The following HSP90AB1 variants were observed in gnomAD, a reference collection of about 807,000 sequenced individuals.
HSP90AB1 encodes the protein heat shock protein HSP 90-beta.
In HSP90AB1, 17 loss-of-function variants were observed where a neutral mutation model predicts 67.8. The observed-to-expected ratio is 0.25, with a 90% CI of 0.17 to 0.38. HSP90AB1 has a LOEUF of 0.38. Among genes scored for constraint, HSP90AB1 ranks in the 10% least tolerant of loss-of-function variants. HSP90AB1 has a pLI of 1.00. For missense variants in HSP90AB1, 690 were observed against 899.9 expected (o/e 0.77, Z 2.98); for synonymous variants, 390 against 312.9 (o/e 1.25, Z -2.60).
rs757814896 is a variant in HSP90AB1, at chr6:44,251,440, C to T, written c.1146C>T (p.Asp382=). The T allele has an allele frequency of 6.2e-6, 10 of 1,605,898 alleles. No homozygotes were observed. Among genetic ancestry groups the T allele is most frequent in the Middle Eastern group, 1.7e-4 (1 of 6,058 alleles). The change falls in exon 8 of 12, where the codon GAC becomes GAT. Residue 382 remains aspartate, a synonymous_variant. Coordinates refer to ENST00000371646, the MANE Select transcript of HSP90AB1 (RefSeq NM_007355.4). The part of the protein sequence containing the change: ...EYLNFIRGVV[D]SEDLPLNISR... ...CAGATTTTATCCGTGGTGTGGTTGA[C>T]TCTGAGGATCTGCCCCTGAACATCT...
rs1190545338 is a variant in HSP90AB1, at chr6:44,253,086, T to C, written c.1773T>C (p.Ile591=). The C allele has an allele frequency of 6.2e-7, 1 of 1,614,108 alleles. No individual in the cohort carries two copies. The highest frequency in any genetic ancestry group is 2.2e-5 in the East Asian group (1 of 44,878). The part of the protein sequence containing the change: ...SNRLVSSPCC[I]VTSTYGWTAN... ...GACTTGTGTCTTCACCTTGCTGCAT[T>C]GTGACCAGCACCTACGGCTGGACAG... is the stretch of plus-strand genomic sequence containing the variant. Residue 591 remains isoleucine, a synonymous_variant, in exon 11 of 12, where the codon ATT becomes ATC. Transcript: ENST00000371646.
chr6:44,250,653 T>A, intron 6 of HSP90AB1, 54 bp downstream of exon 6: 2 of 949,248 alleles, frequency 2.1e-6, no homozygotes, highest in Non-Finnish European at 3.4e-6. Flanking sequence ...GAGGAATGAG[T>A]TAGGTGGAAG....
chr6:44,247,914 C>T (rs1780139618), intron 1 of HSP90AB1: 1 of 152,222 alleles, frequency 6.6e-6, no homozygotes, highest in Non-Finnish European at 1.5e-5. Context: ...GCCCCCTCCT[C>T]GCGTGGTCCT....
intron 1 of HSP90AB1, chr6:44,247,768 G>A (rs1291031481): frequency 2.0e-5 from 3 of 152,268 alleles, no homozygotes; most frequent in African/African-American, 7.2e-5. Flanking sequence ...GGGGCGGGGA[G>A]GGGAGCAGGT....
At chr6:44,253,430 T>C (rs544357572) in intron 11 of HSP90AB1, 52 bp downstream of exon 11, 16 of 1,603,866 alleles carry the variant, frequency 1.0e-5, no homozygotes, top group Admixed American at 1.7e-5. Context: ...ACTCGTCTCC[T>C]CTATGGATTT....
intron 1 of HSP90AB1, among the ~76,000 whole-genome samples, chr6:44,248,315 C>T (rs1408449038): frequency 6.6e-6 from 1 of 152,234 alleles, no homozygotes; most frequent in Non-Finnish European, 1.5e-5. Flanking sequence ...GTTGGACCAA[C>T]ATTATGATTT....
chr6:44,253,459 CA>C (rs747669761), intron 11 of HSP90AB1, 29 bp from the exon 12 acceptor site: 1 of 1,606,704 alleles, frequency 6.2e-7, no homozygotes, highest in African/African-American at 1.3e-5. Context: ...GCTATTTGGT[CA>C]AGTCTCACAT....
At chr6:44,249,887 C>T (rs890485443) in intron 4 of HSP90AB1, 53 bp downstream of exon 4, 32 of 1,591,498 alleles carry the variant, frequency 2.0e-5, no homozygotes, top group Non-Finnish European at 2.6e-5. Context: ...TCTGGGCTCA[C>T]ACCAGTAGCA....
In HSP90AB1 at chr6:44,253,335, G is replaced by T. The variant is rs112996495; in HGVS notation, c.2022G>T (p.Gln674His). ...LSSGFSLEDP[Q>H]THSNRIYRMI... ...CTGGCTTTTCCCTTGAGGATCCCCA[G>T]ACCCACTCCAACCGCATCTATCGCA... The change falls in exon 11 of 12, where the codon CAG becomes CAT. Residue 674 changes from glutamine (Q) to histidine (H), a missense_variant. Around this residue, in one of 7 missense-constraint regions of HSP90AB1, gnomAD observed 120 missense variants for 153.5 expected, o/e 0.78. Coordinates refer to ENST00000371646, the MANE Select transcript of HSP90AB1 (RefSeq NM_007355.4). 3.1e-6 allele frequency: 5 copies of T among 1,614,076 alleles called. No individual in the cohort carries two copies. In the African/African-American group the frequency reaches 6.7e-5, roughly 22 times the overall value.
At position 44,253,844 on chromosome 6, in the gene HSP90AB1, A is replaced by G. The variant is rs1380288734; in HGVS notation, c.*246A>G. The G allele has an allele frequency of 1.4e-6, 1 of 735,264 alleles. No individual in the cohort carries two copies. Among genetic ancestry groups the G allele is most frequent in the Non-Finnish European group, 2.6e-6 (1 of 390,364 alleles). 45.5% of individuals were successfully genotyped at this position (735,264 alleles called of 1,614,324 possible). On this transcript the variant is annotated 3_prime_UTR_variant, in exon 12 of 12. Coordinates refer to ENST00000371646, the MANE Select transcript of HSP90AB1 (RefSeq NM_007355.4). ...TTTATTTTCTTCATTTTGTTCTGAA[A>G]TTAAAGTATGCAAAATAAAGAATAT... is the stretch of plus-strand genomic sequence containing the variant.
intron 10 of HSP90AB1, 105 bp from the exon 11 acceptor site, chr6:44,252,940 A>G: frequency 1.1e-6 from 1 of 884,006 alleles, no homozygotes; most frequent in South Asian, 1.6e-5. Flanking sequence ...TCTCAAACTC[A>G]AGTGGTCTGT....
chr6:44,253,459 C>T, intron 11 of HSP90AB1, 30 bp from the exon 12 acceptor site: 1 of 1,606,824 alleles, frequency 6.2e-7, no homozygotes, highest in Non-Finnish European at 8.5e-7. Context: ...GCTATTTGGT[C>T]AAGTCTCACA....
At chr6:44,253,459 C>G (rs1780993373) in intron 11 of HSP90AB1, 30 bp from the exon 12 acceptor site, 4 of 1,606,824 alleles carry the variant, frequency 2.5e-6, no homozygotes, top group Non-Finnish European at 3.4e-6. Flanking sequence ...GCTATTTGGT[C>G]AAGTCTCACA....
In HSP90AB1 at chr6:44,253,051, A is replaced by G. The variant is rs1434774738; in HGVS notation, c.1738A>G (p.Ile580Val). Reference sequence around the variant, plus strand: ...CTTTTGTGATCGTCCACAGGTGACAATCTCCAATAGACTTGTGTCTTCACC... The same window carrying G: ...CTTTTGTGATCGTCCACAGGTGACAGTCTCCAATAGACTTGTGTCTTCACC... ...ILDKKVEKVT[I>V]SNRLVSSPCC... is the part of the protein sequence containing the mutation. The change falls in exon 11 of 12, where the codon ATC becomes GTC. Residue 580 changes from isoleucine (I) to valine (V), a missense_variant. Around this residue, in one of 7 missense-constraint regions of HSP90AB1, gnomAD observed 206 missense variants for 221.4 expected, o/e 0.93. Coordinates refer to ENST00000371646, the MANE Select transcript of HSP90AB1 (RefSeq NM_007355.4). 9 of 1,613,402 alleles carry G rather than the reference A, an allele frequency of 5.6e-6. No homozygotes were observed. Among genetic ancestry groups the G allele is most frequent in the Admixed American group, 1.7e-5 (1 of 60,000 alleles).
Position 44,251,048 on chromosome 6 carries a change from C to A in HSP90AB1, c.958C>A (p.His320Asn). ...NDWEDHLAVKHFSVEGQLEFR... is the reference protein window; with the variant it reads ...NDWEDHLAVKNFSVEGQLEFR... ...ACCACTTATTTTTGGTTTCTTTCAG[C>A]ACTTTTCTGTAGAAGGTCAGTTGGA... is the stretch of plus-strand genomic sequence containing the variant. Residue 320 changes from histidine (H) to asparagine (N), a missense_variant and splice_region_variant, in exon 7 of 12, where the codon CAC becomes AAC. By Grantham distance (68) the His-to-Asn change is moderately conservative (BLOSUM62 1). Transcript: ENST00000371646. 6.2e-7 allele frequency: 1 copy of A among 1,613,860 alleles called. No homozygotes were observed. The highest frequency in any genetic ancestry group is 8.5e-7 in the Non-Finnish European group (1 of 1,179,766).
Position 44,251,155 on chromosome 6 carries a change from C to G in HSP90AB1, c.1065C>G (p.Leu355=). 1 of 1,614,230 alleles carries G rather than the reference C, an allele frequency of 6.2e-7. No homozygotes were observed. The highest frequency in any genetic ancestry group is 1.1e-5 in the South Asian group (1 of 91,086). ...ENKKKKNNIK[L]YVRRVFIMDS... Reference sequence around the variant, plus strand: ...AGAAGAAAAAGAACAACATCAAACTCTATGTCCGCCGTGTGTTCATCATGG... The same window carrying G: ...AGAAGAAAAAGAACAACATCAAACTGTATGTCCGCCGTGTGTTCATCATGG... Residue 355 remains leucine, a synonymous_variant, in exon 7 of 12, where the codon CTC becomes CTG. Transcript: ENST00000371646.
Position 44,249,432 on chromosome 6 carries a change from G to A in HSP90AB1, c.203G>A (p.Gly68Asp), listed in dbSNP as rs1237708386. The change falls in exon 3 of 12, where the codon GGT (glycine) becomes GAT (aspartate). Residue 68 changes from glycine to aspartate, a missense_variant. Transcript: ENST00000371646. Reference protein sequence around the residue: ...SLTDPSKLDSGKELKIDIIPN... With the variant: ...SLTDPSKLDSDKELKIDIIPN... Reference sequence around the variant, plus strand: ...ACAGACCCTTCGAAGTTGGACAGTGGTAAAGAGCTGAAAATTGACATCATC... The same window carrying A: ...ACAGACCCTTCGAAGTTGGACAGTGATAAAGAGCTGAAAATTGACATCATC... 1 of 1,613,890 alleles carries A rather than the reference G, an allele frequency of 6.2e-7. No homozygotes were observed. Among genetic ancestry groups the A allele is most frequent in the Non-Finnish European group, 8.5e-7 (1 of 1,179,916 alleles).
At chr6:44,250,941 C>G (rs1780566819) in intron 6 of HSP90AB1, 107 bp from the exon 7 acceptor site, 3 of 967,612 alleles carry the variant, frequency 3.1e-6, no homozygotes, top group African/African-American at 3.2e-5. Flanking sequence ...TGTGTGTGCT[C>G]TATCCCTTAG....
chr6:44,249,857 A>G (rs757918840), intron 4 of HSP90AB1, 23 bp downstream of exon 4: 15 of 1,600,154 alleles, frequency 9.4e-6, no homozygotes, highest in Non-Finnish European at 1.3e-5. Flanking sequence ...TTCTGTTACA[A>G]GGTAGTTGGG....
Sources: gnomAD v4.1 joint callset for allele counts (sites outside exome capture counted in the v4.1 genomes callset) on GRCh38, gnomAD v4.1.1 for gene constraint, gnomAD v4.1.1 regional missense constraint, MANE v1.5 for transcripts, NCBI Gene and HGNC (gene_info 2026-07-23, HGNC 2026-07-21) for gene names.